The following CBR4 variants were observed in gnomAD, a reference collection of about 807,000 sequenced individuals.
CBR4 encodes carbonyl reductase 4.
CBR4 carries 22 observed loss-of-function variants against 21.0 expected under a neutral mutation model. The observed-to-expected ratio is 1.05, with a 90% CI of 0.75 to 1.50. CBR4 has a LOEUF of 1.50. CBR4 is among the 40% of genes most tolerant of loss of function. The pLI, the probability that CBR4 is intolerant of heterozygous loss-of-function variation, is 0.00. For synonymous variants in CBR4, 100 were observed against 104.4 expected, an observed-to-expected ratio of 0.96 and a Z score of 0.26; for missense variants, 302 against 286.3, an observed-to-expected ratio of 1.05 and a Z score of -0.40.
intron 1 of CBR4, chr4:169,008,922 T>C (rs1731145212): frequency 2.2e-6 from 1 of 450,640 alleles, no homozygotes; most frequent in Non-Finnish European, 4.4e-6. Context: ...AACCGATCAA[T>C]AATGTTAACT....
chr4:169,005,771 T>A, intron 3 of CBR4: 1 of 663,508 alleles, frequency 1.5e-6, no homozygotes, highest in Non-Finnish European at 2.3e-6. Context: ...TGCTCTCATG[T>A]CCCCTTAGTT....
intron 2 of CBR4, among the ~76,000 whole-genome samples, chr4:168,973,233 T>C (rs1437637128): frequency 6.6e-6 from 1 of 152,206 alleles, no homozygotes. Context: ...ATGTAGTTTT[T>C]TTGTTGTTTT....
Position 168,990,181 on chromosome 4 carries a change from A to G in CBR4, c.683T>C (p.Val228Ala), listed in dbSNP as rs1321990519. The change falls in exon 5 of 5, where the codon GTA (valine) becomes GCA (alanine). Residue 228 changes from valine to alanine, a missense_variant. Val to Ala is a moderately conservative substitution (Grantham distance 64). Transcript: ENST00000306193. ...AATGAGTTGTAATCCCCCATCCACT[A>G]CCAGAACATGCCCTGTAATATACGG... ...ESPYITGHVL[V>A]VDGGLQLIL 6.2e-7 allele frequency: 1 copy of G among 1,609,720 alleles called. No individual in the cohort carries two copies. Among genetic ancestry groups the G allele is most frequent in the Non-Finnish European group, 8.5e-7 (1 of 1,178,196 alleles).
chr4:168,967,218 A>T (rs867879683), intron 2 of CBR4, among the ~76,000 whole-genome samples: 29 of 152,296 alleles, frequency 1.9e-4, no homozygotes, highest in Middle Eastern at 3.4e-3. Flanking sequence ...GACATTGATG[A>T]AGCTGGAAAC....
intron 2 of CBR4, among the ~76,000 whole-genome samples, chr4:168,922,800 G>A (rs1761841820): frequency 6.6e-6 from 1 of 152,150 alleles, no homozygotes. Flanking sequence ...CTTTTCTGCT[G>A]TTAAATATGC....
intron 2 of CBR4, among the ~76,000 whole-genome samples, chr4:168,917,964 G>T (rs1341650393): frequency 1.3e-5 from 2 of 152,076 alleles, no homozygotes; most frequent in Non-Finnish European, 2.9e-5. Context: ...ACTTTGGGAG[G>T]CTGAGGCGGG....
At chr4:168,910,681 C>A (rs573340465) in intron 2 of CBR4, among the ~76,000 whole-genome samples, 15 of 152,018 alleles carry the variant, frequency 9.9e-5, no homozygotes, top group Non-Finnish European at 1.8e-4. Flanking sequence ...AACTATATGG[C>A]CTTGTTTTAC....
In CBR4 at chr4:168,974,807, CTTTA is replaced by C. The variant is rs1284433529; in HGVS notation, n.169+27260_169+27263del. Among the ~76,000 whole-genome samples, 16 of 151,934 alleles carry C rather than the reference CTTTA, an allele frequency of 1.1e-4. No individual in the cohort carries two copies. In the East Asian group the frequency reaches 2.9e-3, roughly 28 times the overall value. ...CTCTGGAGACTGTTTCTTCCATATC[CTTTA>C]TTTTTTTTTAATTTCTTTAAGTCGG... is the stretch of plus-strand genomic sequence containing the variant. On this transcript the variant is annotated intron_variant and non_coding_transcript_variant, in intron 2 of 3. Coordinates refer to the CBR4 transcript ENST00000509108.
downstream of CBR4, among the ~76,000 whole-genome samples, chr4:168,984,198 C>A (rs555202960): frequency 1.3e-3 from 197 of 152,256 alleles, no homozygotes; most frequent in Non-Finnish European, 1.7e-3. Flanking sequence ...TGATAAACAT[C>A]TTCTGGAAAG....
chr4:169,009,856 T>G, intron 1 of CBR4, 92 bp downstream of exon 1: 1 of 1,287,240 alleles, frequency 7.8e-7, no homozygotes, highest in Non-Finnish European at 1.1e-6. Flanking sequence ...CCTAGAGCCC[T>G]AAAGGCCAGA....
In CBR4 at chr4:168,898,688, A is replaced by G. The variant is rs1755799948; in HGVS notation, n.170-3923T>C. 1 of 1,613,808 alleles carries G rather than the reference A, an allele frequency of 6.2e-7. No homozygotes were observed. Among genetic ancestry groups the G allele is most frequent in the Non-Finnish European group, 8.5e-7 (1 of 1,179,654 alleles). On this transcript the variant is annotated intron_variant and non_coding_transcript_variant, in intron 2 of 3. Transcript: ENST00000509108. ...GGGAATGCCAGTAACTTTCACATGT[A>G]GAGTGGCTGGAAATCCAAAGCCAAA...
At position 168,987,830 on chromosome 4, in the gene CBR4, T is replaced by C; in HGVS notation, c.*2320A>G. 2.0e-6 allele frequency: 2 copies of C among 976,702 alleles called. No individual in the cohort carries two copies. Among genetic ancestry groups the C allele is most frequent in the Non-Finnish European group, 2.4e-6 (2 of 822,066 alleles). The allele number at this position is 976,702 out of a possible 1,614,324, so 60.5% of individuals were successfully genotyped here. A position where few individuals can be genotyped will look rare whatever the true frequency, so the allele number is the denominator to read the frequency against. ...CCCCCCAAAACTAATTTATAACATA[T>C]AATTATCTCCCTAAAAAGCAGTTAC... On this transcript the variant is annotated 3_prime_UTR_variant, in exon 5 of 5. Transcript: ENST00000306193.
chr4:168,911,418 A>G (rs1008047265), intron 2 of CBR4, among the ~76,000 whole-genome samples: 4 of 152,260 alleles, frequency 2.6e-5, no homozygotes, highest in African/African-American at 9.6e-5. Flanking sequence ...TAAGCATTTC[A>G]TCATGGAAGC....
chr4:168,905,291 C>T (rs1560895629), intron 2 of CBR4, among the ~76,000 whole-genome samples: 2 of 151,040 alleles, frequency 1.3e-5, no homozygotes, highest in Non-Finnish European at 3.0e-5. Flanking sequence ...GCTGGGACTA[C>T]AGGCACCCAC....
intron 2 of CBR4, among the ~76,000 whole-genome samples, chr4:168,978,469 G>GA (rs1377939770): frequency 1.3e-5 from 2 of 152,144 alleles, no homozygotes; most frequent in Non-Finnish European, 2.9e-5. Context: ...ACATAAAACA[G>GA]AAAAAAGACA....
chr4:168,924,905 A>G, intron 2 of CBR4: 1 of 1,612,624 alleles, frequency 6.2e-7, no homozygotes, highest in South Asian at 1.1e-5. Context: ...AGCCACTTTT[A>G]AAAAATTTAG....
In CBR4 at chr4:169,006,735, TCA is replaced by T. The variant is rs762623805; in HGVS notation, c.400+18_400+19del. 3 of 1,599,966 alleles carry T rather than the reference TCA, an allele frequency of 1.9e-6. No individual in the cohort carries two copies. The African/African-American group carries it at 4.0e-5, about 21-fold the overall frequency. The stretch of plus-strand genomic sequence containing the variant: ...ATGGTATTATGGGATAATCATAAAT[TCA>T]CAAAGGTGAAGACTCACCTACATTA... On this transcript the variant is annotated intron_variant, in intron 3 of 4. Coordinates refer to ENST00000306193, the MANE Select transcript of CBR4 (RefSeq NM_032783.5).
chr4:169,004,248 AT>A (rs911010113), intron 3 of CBR4, among the ~76,000 whole-genome samples: 1 of 152,160 alleles, frequency 6.6e-6, no homozygotes, highest in Non-Finnish European at 1.5e-5. Context: ...GCAATAAAGT[AT>A]TTTTTTAGCA....
chr4:168,918,555 G>C (rs748569760), intron 2 of CBR4, among the ~76,000 whole-genome samples: 3 of 152,148 alleles, frequency 2.0e-5, no homozygotes, highest in Non-Finnish European at 4.4e-5. Context: ...TTGGGGAAAT[G>C]TTAGTCAAAG....
Sources: gnomAD v4.1 joint callset for allele counts (sites outside exome capture counted in the v4.1 genomes callset) on GRCh38, gnomAD v4.1.1 for gene constraint, MANE v1.5 for transcripts, NCBI Gene and HGNC (gene_info 2026-07-23, HGNC 2026-07-21) for gene names.